RASGRF2: variants seen among roughly 807,000 people sequenced by gnomAD.
The protein encoded by RASGRF2 is ras-specific guanine nucleotide-releasing factor 2.
RASGRF2 carries 76 observed loss-of-function variants against 151.0 expected under a neutral mutation model. The observed-to-expected ratio is 0.50, with a 90% confidence interval of 0.42 to 0.61. RASGRF2 has a LOEUF of 0.61. Ranked by LOEUF, RASGRF2 falls within the 20% of genes least tolerant of loss-of-function variation. The probability of loss-of-function intolerance (pLI) is 0.00; values close to 1 mark genes in which losing one functional copy is unlikely to be tolerated. For synonymous variants in RASGRF2, 504 were observed against 566.5 expected (o/e 0.89, Z 1.57); for missense variants, 1,148 against 1,564.6 (o/e 0.73, Z 4.49).
rs1752432589 is a variant in RASGRF2, at chr5:81,092,943, G to A, written c.1533G>A (p.Gly511=). 6.2e-7 allele frequency: 1 copy of A among 1,612,054 alleles called. No homozygotes were observed. The highest frequency in any genetic ancestry group is 8.5e-7 in the Non-Finnish European group (1 of 1,178,730). ...TAATATGTACAAGAAGTTCAGGAGGGAAGCTTCATCTGCTCAAGGTACTGG... is the reference window on the plus strand; with the variant it reads ...TAATATGTACAAGAAGTTCAGGAGGAAAGCTTCATCTGCTCAAGGTACTGG... ...HFLICTRSSG[G]KLHLLKTGGV... Residue 511 remains glycine (G), a synonymous_variant, in exon 10 of 27, where the codon GGG becomes GGA. Coordinates refer to ENST00000265080, the MANE Select transcript of RASGRF2 (RefSeq NM_006909.3).
At chr5:81,112,962 G>T (rs901408410) in intron 14 of RASGRF2, 104 bp downstream of exon 14, 3 of 1,442,452 alleles carry the variant, frequency 2.1e-6, no homozygotes, top group Non-Finnish European at 2.8e-6. Context: ...AGCTCCTAGG[G>T]TGTACTAGCT....
chr5:81,128,126 G>A (rs903875402), intron 17 of RASGRF2, among the ~76,000 whole-genome samples: 13 of 152,112 alleles, frequency 8.5e-5, no homozygotes, highest in African/African-American at 2.9e-4. Flanking sequence ...GTTACCAGGG[G>A]CTGGTGGGGA....
chr5:81,028,357 T>TAAATTG (rs1273372300), intron 1 of RASGRF2, among the ~76,000 whole-genome samples: 2 of 152,158 alleles, frequency 1.3e-5, no homozygotes, highest in African/African-American at 4.8e-5. Flanking sequence ...AATTTGCATT[T>TAAATTG]CACTGAGAAA....
intron 12 of RASGRF2, among the ~76,000 whole-genome samples, chr5:81,099,603 A>G (rs1235745263): frequency 6.6e-6 from 1 of 152,220 alleles, no homozygotes; most frequent in African/African-American, 2.4e-5. Flanking sequence ...ATTTCACTAC[A>G]TCATCAACAA....
At chr5:81,052,694 A>G (rs1321236508) in intron 2 of RASGRF2, among the ~76,000 whole-genome samples, 1 of 152,220 alleles carries the variant, frequency 6.6e-6, no homozygotes, top group African/African-American at 2.4e-5. Context: ...AACCAGAAAC[A>G]GTATGTGACA....
Position 81,201,400 on chromosome 5 carries a change from A to C in RASGRF2, c.2864A>C (p.Asp955Ala), listed in dbSNP as rs531149511. Residue 955 changes from aspartate (D) to alanine (A), a missense_variant, in exon 19 of 27, where the codon GAC (aspartate) becomes GCC (alanine). By Grantham distance (126) the Asp-to-Ala change is moderately radical (BLOSUM62 -2). This residue lies in a region of RASGRF2 where 646 missense variants were observed against 807.4 expected (regional missense o/e 0.80). Coordinates refer to ENST00000265080, the MANE Select transcript of RASGRF2 (RefSeq NM_006909.3). ...NLLEEVLRDP[D>A]LLPQERKAAA... ...CTAGAAGAAGTTTTGCGAGACCCAGACCTTCTTCCCCAAGAAAGGAAAGCC... is the reference window on the plus strand; with the variant it reads ...CTAGAAGAAGTTTTGCGAGACCCAGCCCTTCTTCCCCAAGAAAGGAAAGCC... 2 of 1,614,024 alleles carry C rather than the reference A, an allele frequency of 1.2e-6. No homozygotes were observed. The highest frequency in any genetic ancestry group is 1.7e-6 in the Non-Finnish European group (2 of 1,179,972).
intron 15 of RASGRF2, among the ~76,000 whole-genome samples, chr5:81,115,798 T>A (rs1753134802): frequency 6.6e-6 from 1 of 152,084 alleles, no homozygotes. Flanking sequence ...GAGTCCACAA[T>A]GGTAAATAGC....
At chr5:81,107,386 T>A (rs1251389191) in intron 12 of RASGRF2, among the ~76,000 whole-genome samples, 1 of 152,100 alleles carries the variant, frequency 6.6e-6, no homozygotes, top group Non-Finnish European at 1.5e-5. Context: ...TAACAAGATA[T>A]TGTTGAGGAC....
chr5:81,006,434 T>A (rs1749272098), intron 1 of RASGRF2, among the ~76,000 whole-genome samples: 8 of 152,206 alleles, frequency 5.3e-5, no homozygotes, highest in Admixed American at 5.2e-4. Context: ...AGTGCAAAGG[T>A]GTTTCTGAAA....
chr5:81,084,806 G>A (rs1752182480), intron 7 of RASGRF2, among the ~76,000 whole-genome samples: 1 of 152,172 alleles, frequency 6.6e-6, no homozygotes, highest in Non-Finnish European at 1.5e-5. Context: ...TGCTGAGTGA[G>A]ACCTCAGTCC....
intron 2 of RASGRF2, among the ~76,000 whole-genome samples, chr5:81,049,362 TG>T (rs1005231541): frequency 9.9e-5 from 15 of 152,224 alleles, no homozygotes; most frequent in African/African-American, 3.6e-4. Context: ...ACTTTTTATT[TG>T]CTATTCATAT....
intron 19 of RASGRF2, among the ~76,000 whole-genome samples, chr5:81,205,967 T>C (rs968297771): frequency 1.8e-4 from 27 of 152,272 alleles, no homozygotes; most frequent in Admixed American, 6.5e-4. Flanking sequence ...GCCAGGATGG[T>C]CTCGATCTCC....
intron 2 of RASGRF2, among the ~76,000 whole-genome samples, chr5:81,043,648 C>T (rs1355362888): frequency 6.6e-6 from 1 of 152,192 alleles, no homozygotes; most frequent in African/African-American, 2.4e-5. Flanking sequence ...AAACCTGGTT[C>T]AGTTTTGTTT....
intron 1 of RASGRF2, among the ~76,000 whole-genome samples, chr5:81,029,071 T>G (rs565353941): frequency 7.4e-4 from 112 of 152,296 alleles, no homozygotes; most frequent in African/African-American, 2.6e-3. Flanking sequence ...AGCCTGAGAT[T>G]GGACTGCAAG....
chr5:81,217,479 T>C lies in RASGRF2; in HGVS notation c.3552+6T>C. 1 of 1,608,140 alleles carries C rather than the reference T, an allele frequency of 6.2e-7. No individual in the cohort carries two copies. The highest frequency in any genetic ancestry group is 8.5e-7 in the Non-Finnish European group (1 of 1,177,396). On this transcript the variant is annotated splice_donor_region_variant and intron_variant, in intron 25 of 26. Transcript: ENST00000265080. ...ATTTCTCCAAAATGAGAATGGTAGG[T>C]ATAATTTCATAATTAGCCTGTTTCA...
rs944647190 is a variant in RASGRF2 at position 81,041,050 on chromosome 5, T to C, written c.289-1827T>C. Among the ~76,000 whole-genome samples the C allele has an allele frequency of 2.6e-5, 4 of 152,148 alleles. No individual in the cohort carries two copies. In the South Asian group the frequency reaches 8.3e-4, roughly 32 times the overall value. On this transcript the variant is annotated intron_variant, in intron 1 of 26. Transcript: ENST00000265080. ...CAGGCACAGAGGCTCACGCCTGTAA[T>C]CCCAGCATTTTGGGAGGCTGAGGTG...
intron 2 of RASGRF2, among the ~76,000 whole-genome samples, chr5:81,055,033 C>T (rs970380926): frequency 1.1e-4 from 17 of 152,160 alleles, no homozygotes; most frequent in African/African-American, 2.2e-4. Flanking sequence ...TGGGCTGAGA[C>T]GATGGGGTTT....
intron 17 of RASGRF2, among the ~76,000 whole-genome samples, chr5:81,131,792 C>A (rs1753628114): frequency 6.6e-6 from 1 of 152,082 alleles, no homozygotes; most frequent in African/African-American, 2.4e-5. Flanking sequence ...TCCAGAGAAT[C>A]CATATCCTGC....
intron 19 of RASGRF2, among the ~76,000 whole-genome samples, chr5:81,202,184 C>A (rs1755410658): frequency 6.6e-6 from 1 of 152,202 alleles, no homozygotes; most frequent in African/African-American, 2.4e-5. Flanking sequence ...GCAGACATTT[C>A]AGTTGCAGCT....
Sources: gnomAD v4.1 joint callset for allele counts (sites outside exome capture counted in the v4.1 genomes callset) on GRCh38, gnomAD v4.1.1 for gene constraint, gnomAD v4.1.1 regional missense constraint, MANE v1.5 for transcripts, NCBI Gene and HGNC (gene_info 2026-07-23, HGNC 2026-07-21) for gene names.